KCNH8: variants seen among roughly 807,000 people sequenced by gnomAD.
The protein encoded by KCNH8 is potassium voltage-gated channel subfamily H member 8, also known as voltage-gated delayed rectifier potassium channel KCNH8.
In KCNH8, 70 loss-of-function variants were observed where a neutral mutation model predicts 103.6. The observed-to-expected ratio is 0.68, with a 90% CI of 0.56 to 0.82. The LOEUF is 0.82. Among genes scored for constraint, KCNH8 ranks in the 40% least tolerant of loss-of-function variants. The pLI is 0.00. For synonymous variants in KCNH8, 498 were observed against 489.4 expected, an observed-to-expected ratio of 1.02 and a Z score of -0.23; for missense variants, 1,217 against 1,329.9, an observed-to-expected ratio of 0.92 and a Z score of 1.32.
intron 9 of KCNH8, 44 bp downstream of exon 9, chr3:19,450,349 T>C (rs1267916198): frequency 6.7e-7 from 1 of 1,491,992 alleles, no homozygotes; most frequent in East Asian, 2.3e-5. Flanking sequence ...AAAGCACATA[T>C]TCTAAGGTAA....
chr3:19,420,759 A>G (rs1318165708), intron 7 of KCNH8, among the ~76,000 whole-genome samples: 2 of 152,224 alleles, frequency 1.3e-5, no homozygotes, highest in Admixed American at 1.3e-4. Flanking sequence ...ATACAAATAT[A>G]TCCTCCAAAA....
chr3:19,505,042 C>CTA (rs950595641), intron 11 of KCNH8, among the ~76,000 whole-genome samples: 6 of 149,554 alleles, frequency 4.0e-5, no homozygotes, highest in Middle Eastern at 3.5e-3. Context: ...TATATATACA[C>CTA]TATATATATA....
intron 1 of KCNH8, among the ~76,000 whole-genome samples, chr3:19,175,297 C>T (rs1477629311): frequency 6.6e-6 from 1 of 151,454 alleles, no homozygotes; most frequent in South Asian, 2.1e-4. Context: ...TCTCGGCTCC[C>T]TGCAAGCTCC....
intron 11 of KCNH8, among the ~76,000 whole-genome samples, chr3:19,483,135 A>G (rs920108685): frequency 1.3e-5 from 2 of 152,084 alleles, no homozygotes; most frequent in African/African-American, 4.8e-5. Flanking sequence ...GTAGGAAGAA[A>G]GATGGTTTAA....
chr3:19,513,366 C>G (rs1381310607), intron 13 of KCNH8, 41 bp downstream of exon 13: 1 of 1,544,200 alleles, frequency 6.5e-7, no homozygotes, highest in East Asian at 2.2e-5. Flanking sequence ...GTGAACGTGG[C>G]TGCCTTTTAT....
At chr3:19,178,328 T>C (rs1467302584) in intron 1 of KCNH8, among the ~76,000 whole-genome samples, 2 of 152,252 alleles carry the variant, frequency 1.3e-5, no homozygotes, top group South Asian at 2.1e-4. Context: ...TCTCTTTCAG[T>C]CTCTTAATCT....
intron 15 of KCNH8, among the ~76,000 whole-genome samples, chr3:19,529,105 G>A (rs979186401): frequency 2.0e-5 from 3 of 152,098 alleles, no homozygotes; most frequent in African/African-American, 7.2e-5. Flanking sequence ...CTGATGGTGT[G>A]CAAGGGAGAA....
intron 11 of KCNH8, among the ~76,000 whole-genome samples, chr3:19,458,399 C>A (rs1392791792): frequency 6.6e-6 from 1 of 151,762 alleles, no homozygotes; most frequent in South Asian, 2.1e-4. Context: ...AGAGAAAAAT[C>A]GCTAATATTC....
At chr3:19,286,029 T>G (rs1443097342) in intron 3 of KCNH8, among the ~76,000 whole-genome samples, 1 of 152,190 alleles carries the variant, frequency 6.6e-6, no homozygotes, top group East Asian at 1.9e-4. Flanking sequence ...TTTTAGGTGA[T>G]GAAACAGCAA....
intron 1 of KCNH8, among the ~76,000 whole-genome samples, chr3:19,237,737 C>T (rs1439539762): frequency 2.0e-5 from 3 of 152,158 alleles, no homozygotes; most frequent in Non-Finnish European, 4.4e-5. Flanking sequence ...CACTAAAGTA[C>T]ATGAACCACT....
chr3:19,168,377 G>A (rs138321206), intron 1 of KCNH8, among the ~76,000 whole-genome samples: 1 of 152,114 alleles, frequency 6.6e-6, no homozygotes, highest in East Asian at 1.9e-4. Context: ...TCATATAAAT[G>A]GAATTATATA....
At chr3:19,471,518 G>A (rs1370042429) in intron 11 of KCNH8, among the ~76,000 whole-genome samples, 3 of 152,182 alleles carry the variant, frequency 2.0e-5, no homozygotes, top group African/African-American at 7.2e-5. Context: ...ATGAAAAGAG[G>A]ATGATGTACA....
intron 2 of KCNH8, among the ~76,000 whole-genome samples, chr3:19,257,647 C>A (rs1383347670): frequency 1.3e-5 from 2 of 152,008 alleles, no homozygotes; most frequent in Non-Finnish European, 2.9e-5. Context: ...TTAGTAGGTG[C>A]AATATCATCA....
At chr3:19,529,455 C>A (rs756264100) in intron 15 of KCNH8, among the ~76,000 whole-genome samples, 3 of 152,128 alleles carry the variant, frequency 2.0e-5, no homozygotes, top group Non-Finnish European at 4.4e-5. Context: ...CACGAAGTAG[C>A]CCCAACAATC....
At chr3:19,485,909 T>C (rs888623029) in intron 11 of KCNH8, among the ~76,000 whole-genome samples, 3 of 152,228 alleles carry the variant, frequency 2.0e-5, no homozygotes, top group Non-Finnish European at 4.4e-5. Context: ...AGGCCCTTTT[T>C]CTTGTATAAT....
chr3:19,160,152 AT>A (rs1332604486), intron 1 of KCNH8, among the ~76,000 whole-genome samples: 1 of 152,108 alleles, frequency 6.6e-6, no homozygotes, highest in African/African-American at 2.4e-5. Context: ...TAAAATCAGA[AT>A]GCATAAATCT....
chr3:19,231,264 A>G (rs945684787), intron 1 of KCNH8, among the ~76,000 whole-genome samples: 68 of 152,230 alleles, frequency 4.5e-4, no homozygotes, highest in African/African-American at 1.6e-3. Context: ...TTTCCTTTTT[A>G]TTTATGCATG....
intron 1 of KCNH8, among the ~76,000 whole-genome samples, chr3:19,238,946 A>G (rs1051419719): frequency 9.9e-5 from 15 of 152,216 alleles, no homozygotes; most frequent in Non-Finnish European, 1.9e-4. Context: ...GAGCAAACCT[A>G]GAAAGTTCCC....
chr3:19,256,341 G>A (rs59879234), intron 2 of KCNH8, among the ~76,000 whole-genome samples: 1 of 152,044 alleles, frequency 6.6e-6, no homozygotes, highest in Non-Finnish European at 1.5e-5. Flanking sequence ...TCAGACCATT[G>A]TGTCCTTCCC....
Sources: gnomAD v4.1 joint callset for allele counts (sites outside exome capture counted in the v4.1 genomes callset) on GRCh38, gnomAD v4.1.1 for gene constraint, MANE v1.5 for transcripts, NCBI Gene and HGNC (gene_info 2026-07-23, HGNC 2026-07-21) for gene names.